The following SYNE1 variants were observed in gnomAD, a reference collection of about 807,000 sequenced individuals.
SYNE1 encodes spectrin repeat containing nuclear envelope protein 1.
A neutral mutation model predicts 1,111.0 loss-of-function variants in SYNE1; 616 were observed. The observed-to-expected ratio is 0.55, with a 90% CI of 0.52 to 0.59. The LOEUF is 0.59. Ranked by LOEUF, SYNE1 falls within the 20% of genes least tolerant of loss-of-function variation. The pLI is 0.00. For missense variants in SYNE1, 10,006 were observed against 10,417.0 expected, an observed-to-expected ratio of 0.96 and a Z score of 1.72; for synonymous variants, 3,855 against 3,825.8, an observed-to-expected ratio of 1.01 and a Z score of -0.28.
Position 152,404,356 on chromosome 6 carries a change from A to G in SYNE1, c.6724-42T>C, listed in dbSNP as rs761624684. 6.3e-6 allele frequency: 9 copies of G among 1,422,070 alleles called. No homozygotes were observed. The African/African-American group carries it at 1.1e-4, about 18-fold the overall frequency. 88.1% of individuals were successfully genotyped at this position (1,422,070 alleles called of 1,614,324 possible). On this transcript the variant is annotated intron_variant, in intron 45 of 145. Coordinates refer to ENST00000367255, the MANE Select transcript of SYNE1 (RefSeq NM_182961.4). ...AACATAACTAATCAAAAACACTGAC[A>G]TGCTATATTTGGCATTTAATAATTT...
In SYNE1 at chr6:152,331,947, G is replaced by A. The variant is rs577571336; in HGVS notation, c.12795-57C>T. 1.5e-4 allele frequency: 236 copies of A among 1,598,170 alleles called. No homozygotes were observed. The African/African-American group carries it at 3.0e-3, about 20-fold the overall frequency. On this transcript the variant is annotated intron_variant, in intron 77 of 145. Transcript: ENST00000367255. Reference sequence around the variant, plus strand: ...TTAGCTGTAGTCAATATCGATGTTTGTTCATACTATGCTAAATTACACTTC... The same window carrying A: ...TTAGCTGTAGTCAATATCGATGTTTATTCATACTATGCTAAATTACACTTC...
chr6:152,491,238 C>T (rs1007667691), intron 11 of SYNE1, among the ~76,000 whole-genome samples: 2 of 151,992 alleles, frequency 1.3e-5, no homozygotes, highest in South Asian at 4.2e-4. Flanking sequence ...GGATGCCTGC[C>T]TGATTATTCA....
In SYNE1 at chr6:152,247,780, CATAT is replaced by C. The variant is rs1349466577; in HGVS notation, c.19572+1377_19572+1380del. Among the ~76,000 whole-genome samples the C allele has an allele frequency of 2.0e-3, 256 of 128,302 alleles. 2 individuals carry two copies. The East Asian group carries it at 0.021, about 11-fold the overall frequency. The allele number at this position is 128,302 out of a possible 152,430, so 84.2% of individuals were successfully genotyped here. A position where few individuals can be genotyped will look rare whatever the true frequency, so the allele number is the denominator to read the frequency against. ...ACACACACACACACACACACACACA[CATAT>C]ATTTTTAAAAATAAATAAAAAGAAA... is the stretch of plus-strand genomic sequence containing the variant. On this transcript the variant is annotated intron_variant, in intron 105 of 145. Coordinates refer to ENST00000367255, the MANE Select transcript of SYNE1 (RefSeq NM_182961.4).
At chr6:152,374,978 T>C (rs1269338194) in intron 58 of SYNE1, among the ~76,000 whole-genome samples, 1 of 152,000 alleles carries the variant, frequency 6.6e-6, no homozygotes, top group Non-Finnish European at 1.5e-5. Flanking sequence ...TCTTGCTCTA[T>C]AGCCCAGGCT....
At chr6:152,413,589 C>T (rs995550867) in intron 41 of SYNE1, 58 bp from the exon 42 acceptor site, 1 of 1,564,880 alleles carries the variant, frequency 6.4e-7, no homozygotes, top group African/African-American at 1.4e-5. Flanking sequence ...ATGAATATTT[C>T]TTCTCCGTAA....
intron 9 of SYNE1, 51 bp downstream of exon 9, chr6:152,505,150 T>C: frequency 6.3e-7 from 1 of 1,597,512 alleles, no homozygotes; most frequent in Non-Finnish European, 8.6e-7. Flanking sequence ...GTTTAAGACA[T>C]AAAAACCCTC....
intron 71 of SYNE1, 114 bp downstream of exon 71, chr6:152,350,504 T>TA (rs996263552): frequency 5.4e-4 from 784 of 1,463,312 alleles, no homozygotes; most frequent in Non-Finnish European, 6.4e-4. Context: ...TCCATCTGAA[T>TA]AAAAAAAAAT....
At chr6:152,472,754 A>T in intron 14 of SYNE1, 1 of 634,126 alleles carries the variant, frequency 1.6e-6, no homozygotes. Flanking sequence ...GCCTTTCTGG[A>T]TATGTTGGTT....
chr6:152,555,052 C>G (rs968134441), intron 3 of SYNE1, among the ~76,000 whole-genome samples: 2 of 152,114 alleles, frequency 1.3e-5, no homozygotes, highest in African/African-American at 2.4e-5. Flanking sequence ...TTCAAATACT[C>G]ATAAATGGGA....
intron 3 of SYNE1, among the ~76,000 whole-genome samples, chr6:152,628,044 CAA>C (rs66815986): frequency 8.7e-5 from 9 of 103,372 alleles, no homozygotes; most frequent in African/African-American, 1.5e-4. Context: ...CACAAAATTA[CAA>C]AAAAAAAAAA....
At chr6:152,619,274 G>A (rs530979557) in intron 3 of SYNE1, among the ~76,000 whole-genome samples, 5 of 152,162 alleles carry the variant, frequency 3.3e-5, no homozygotes, top group Admixed American at 6.5e-5. Context: ...GGGCTCTGGC[G>A]TGGTCTTCAC....
chr6:152,191,354 T>C (rs946001300), intron 127 of SYNE1, among the ~76,000 whole-genome samples: 3 of 152,050 alleles, frequency 2.0e-5, no homozygotes, highest in African/African-American at 7.2e-5. Flanking sequence ...TGAGTAGGAT[T>C]GGTATTAGTT....
chr6:152,455,970 C>G lies in SYNE1; in HGVS notation c.2643G>C (p.Lys881Asn). ...LIEKGSQSVQKFVTLSNVLKH... is the reference protein window; with the variant it reads ...LIEKGSQSVQNFVTLSNVLKH... ...TTAACACGTTGCTCAAGGTCACAAA[C>G]TTTTGAACACTTTGACTGCCTTTCT... The change falls in exon 23 of 146, where the codon AAG (lysine) becomes AAC (asparagine). Residue 881 changes from lysine (K) to asparagine (N), a missense_variant. Lys to Asn is a moderately conservative substitution (Grantham distance 94, BLOSUM62 0). Around this residue, in one of 7 missense-constraint regions of SYNE1, gnomAD observed 1,971 missense variants for 2,084.1 expected, o/e 0.95. Transcript: ENST00000367255. 1 of 1,614,122 alleles carries G rather than the reference C, an allele frequency of 6.2e-7. No individual in the cohort carries two copies. The highest frequency in any genetic ancestry group is 2.2e-5 in the East Asian group (1 of 44,874).
At chr6:152,591,330 G>C (rs971063409) in intron 3 of SYNE1, among the ~76,000 whole-genome samples, 2 of 152,102 alleles carry the variant, frequency 1.3e-5, no homozygotes, top group Non-Finnish European at 2.9e-5. Flanking sequence ...TGATGGAACA[G>C]AATAGAAAAT....
Position 152,220,560 on chromosome 6 carries a change from T to C in SYNE1, c.21861+282A>G, listed in dbSNP as rs953496887. ...TGGTCATGTCTTATATTGACCACCC[T>C]AGAAAACACAAAGAGCCTCAATCTT... On this transcript the variant is annotated intron_variant, in intron 119 of 145. Transcript: ENST00000367255. Among the ~76,000 whole-genome samples the C allele has an allele frequency of 1.5e-4, 23 of 152,106 alleles. 1 individual carries two copies. The highest frequency in any genetic ancestry group is 2.6e-4 in the Non-Finnish European group (18 of 68,012).
chr6:152,279,941 T>C (rs1299988645), intron 97 of SYNE1, among the ~76,000 whole-genome samples: 1 of 152,194 alleles, frequency 6.6e-6, no homozygotes, highest in East Asian at 1.9e-4. Flanking sequence ...TTGATTTTAA[T>C]TTCTTTTAAA....
chr6:152,175,831 C>T (rs2066330211), intron 130 of SYNE1, among the ~76,000 whole-genome samples: 1 of 152,094 alleles, frequency 6.6e-6, no homozygotes, highest in Non-Finnish European at 1.5e-5. Context: ...CCAACCCTAC[C>T]CTTCTGCAAC....
chr6:152,379,563 T>C lies in SYNE1; in HGVS notation c.9009+1443A>G, dbSNP rs1310853361. Among the ~76,000 whole-genome samples, 9 of 152,306 alleles carry C rather than the reference T, an allele frequency of 5.9e-5. No individual in the cohort carries two copies. The East Asian group carries it at 1.7e-3, about 29-fold the overall frequency. ...GCATATTTACTATTTTGTTAACATT[T>C]TCTTACATATTCATTGTGATAGAAA... On this transcript the variant is annotated intron_variant, in intron 56 of 145. Coordinates refer to ENST00000367255, the MANE Select transcript of SYNE1 (RefSeq NM_182961.4).
Position 152,472,308 on chromosome 6 carries a change from C to T in SYNE1, c.1456G>A (p.Ala486Thr). 1 of 1,612,992 alleles carries T rather than the reference C, an allele frequency of 6.2e-7. No individual in the cohort carries two copies. ...ATGCAGATATTCTCTTACCTCTCGG[C>T]CATGTCCTCTAATTGATCAGGTGGC... ...PVPPDQLEDM[A>T]ERFHFVSSTS... The change falls in exon 15 of 146, where the codon GCC becomes ACC. Residue 486 changes from alanine to threonine, a missense_variant. Transcript: ENST00000367255.
Sources: gnomAD v4.1 joint callset for allele counts (sites outside exome capture counted in the v4.1 genomes callset) on GRCh38, gnomAD v4.1.1 for gene constraint, gnomAD v4.1.1 regional missense constraint, MANE v1.5 for transcripts, NCBI Gene and HGNC (gene_info 2026-07-23, HGNC 2026-07-21) for gene names.